Variants in GRAMD1B observed in about 807,000 individuals in gnomAD.
The protein encoded by GRAMD1B is GRAM domain containing 1B.
In GRAMD1B, 37 loss-of-function variants were observed where a neutral mutation model predicts 99.7. The ratio of observed to expected loss-of-function variants is 0.37; its 90% CI spans 0.29 to 0.49. The LOEUF is 0.49. Ranked by LOEUF, GRAMD1B falls within the 20% of genes least tolerant of loss-of-function variation. The probability of loss-of-function intolerance (pLI) is 0.98; values close to 1 mark genes in which losing one functional copy is unlikely to be tolerated. For missense variants in GRAMD1B, 888 were observed against 1,009.2 expected (o/e 0.88, Z 1.63); for synonymous variants, 427 against 387.6 (o/e 1.10, Z -1.19).
chr11:123,505,650 A>T (rs1940347466), intron 2 of GRAMD1B, among the ~76,000 whole-genome samples: 1 of 152,222 alleles, frequency 6.6e-6, no homozygotes, highest in African/African-American at 2.4e-5. Flanking sequence ...AGGGCTAAGT[A>T]ACTTGCTCAA....
intron 2 of GRAMD1B, among the ~76,000 whole-genome samples, chr11:123,532,174 A>G (rs1943457377): frequency 6.6e-6 from 1 of 152,118 alleles, no homozygotes; most frequent in Admixed American, 6.5e-5. Flanking sequence ...TTAGTTCTTG[A>G]TCACTCCAAG....
chr11:123,553,388 T>C (rs946269294), intron 2 of GRAMD1B, among the ~76,000 whole-genome samples: 2 of 152,018 alleles, frequency 1.3e-5, no homozygotes, highest in Non-Finnish European at 2.9e-5. Context: ...GTGTGTTTAT[T>C]CTGCTGGGCT....
chr11:123,373,244 G>A (rs1441671022), intron 1 of GRAMD1B, among the ~76,000 whole-genome samples: 1 of 152,170 alleles, frequency 6.6e-6, no homozygotes, highest in East Asian at 1.9e-4. Flanking sequence ...AAACTGTGTT[G>A]AGCAGCAGTA....
At chr11:123,485,167 C>T (rs1054588617) in intron 2 of GRAMD1B, among the ~76,000 whole-genome samples, 1 of 152,090 alleles carries the variant, frequency 6.6e-6, no homozygotes, top group African/African-American at 2.4e-5. Context: ...TCTGTGGCTT[C>T]TTCTAATTTT....
Position 123,514,904 on chromosome 11 carries a change from G to A in GRAMD1B, c.452+34011G>A, listed in dbSNP as rs557559896. ...CTTGAGGGCAGGGATTGTGTGTTTT[G>A]TTTCTTAATTCACAGAAACCCTGGC... is the stretch of plus-strand genomic sequence containing the variant. On this transcript the variant is annotated intron_variant, in intron 2 of 19. Coordinates refer to ENST00000635736, the MANE Select transcript of GRAMD1B (RefSeq NM_001387025.1). Among the ~76,000 whole-genome samples, 4 of 152,260 alleles carry A rather than the reference G, an allele frequency of 2.6e-5. No homozygotes were observed. The East Asian group carries it at 5.8e-4, about 22-fold the overall frequency.
chr11:123,532,877 C>G (rs1943543851), intron 2 of GRAMD1B, among the ~76,000 whole-genome samples: 1 of 152,220 alleles, frequency 6.6e-6, no homozygotes, highest in African/African-American at 2.4e-5. Context: ...AGGTCTATGA[C>G]TGGCTGATCT....
intron 1 of GRAMD1B, among the ~76,000 whole-genome samples, chr11:123,377,905 G>A (rs1946744270): frequency 6.6e-6 from 1 of 152,248 alleles, no homozygotes; most frequent in African/African-American, 2.4e-5. Flanking sequence ...TCATGTGTGT[G>A]TATGGCAGTG....
intron 2 of GRAMD1B, among the ~76,000 whole-genome samples, chr11:123,555,802 C>T (rs549392295): frequency 2.0e-5 from 3 of 152,114 alleles, no homozygotes; most frequent in South Asian, 4.2e-4. Flanking sequence ...GGCACGATCT[C>T]GGCTCACCAC....
chr11:123,389,264 G>T (rs1045280539), intron 1 of GRAMD1B, among the ~76,000 whole-genome samples: 1 of 151,808 alleles, frequency 6.6e-6, no homozygotes, highest in East Asian at 1.9e-4. Context: ...GGCACCTGTA[G>T]TCCCAGCTAC....
At chr11:123,435,331 TGA>T (rs1351437830) in intron 1 of GRAMD1B, 2 of 672,530 alleles carry the variant, frequency 3.0e-6, no homozygotes, top group African/African-American at 3.6e-5. Flanking sequence ...GTTAAGTGGC[TGA>T]GAGGGCCATA....
At chr11:123,533,140 T>G (rs1265262775) in intron 2 of GRAMD1B, among the ~76,000 whole-genome samples, 2 of 151,992 alleles carry the variant, frequency 1.3e-5, no homozygotes, top group East Asian at 3.9e-4. Flanking sequence ...TGGCTAAATT[T>G]GTATTTTTTT....
intron 1 of GRAMD1B, among the ~76,000 whole-genome samples, chr11:123,464,832 A>G (rs1259570711): frequency 1.3e-5 from 2 of 152,192 alleles, no homozygotes; most frequent in African/African-American, 4.8e-5. Context: ...TGGAGGAGAG[A>G]GAACTGCTGG....
intron 2 of GRAMD1B, among the ~76,000 whole-genome samples, chr11:123,547,541 C>G (rs994292577): frequency 1.3e-5 from 2 of 152,174 alleles, no homozygotes; most frequent in Non-Finnish European, 2.9e-5. Context: ...TTATTTCAAA[C>G]CCAATTATGC....
At position 123,610,793 on chromosome 11, in the gene GRAMD1B, G is replaced by A. The variant is rs536488048; in HGVS notation, c.1919+455G>A. On this transcript the variant is annotated intron_variant, in intron 14 of 19. Transcript: ENST00000635736. This position sits in a 1 kb window ranked among gnomAD's most constrained non-coding sequence, Gnocchi z 4.1. ...CACCATGCTGCGTGGATTGCCATTA[G>A]TGTTAGACAGTGAGCTCCACGAGGA... Among the ~76,000 whole-genome samples the A allele has an allele frequency of 6.6e-6, 1 of 152,200 alleles. No homozygotes were observed. Among genetic ancestry groups the A allele is most frequent in the Admixed American group, 6.5e-5 (1 of 15,288 alleles).
intron 2 of GRAMD1B, among the ~76,000 whole-genome samples, chr11:123,531,598 G>A (rs17127444): frequency 2.6e-5 from 4 of 152,012 alleles, no homozygotes; most frequent in East Asian, 1.9e-4. Flanking sequence ...TGGAAGAGAC[G>A]GTTTAGGGTT....
At chr11:123,457,901 A>G (rs1258275490) in intron 1 of GRAMD1B, among the ~76,000 whole-genome samples, 1 of 151,922 alleles carries the variant, frequency 6.6e-6, no homozygotes, top group African/African-American at 2.4e-5. Context: ...TTTTTTGTAG[A>G]GACAGGGTCC....
At chr11:123,383,398 C>T (rs1946951050) in intron 1 of GRAMD1B, among the ~76,000 whole-genome samples, 2 of 152,206 alleles carry the variant, frequency 1.3e-5, no homozygotes, top group Non-Finnish European at 2.9e-5. Flanking sequence ...GGGCTAGTTA[C>T]TAACCTTGCA....
chr11:123,517,165 C>T (rs1941750170), intron 2 of GRAMD1B, among the ~76,000 whole-genome samples: 1 of 152,218 alleles, frequency 6.6e-6, no homozygotes, highest in Non-Finnish European at 1.5e-5. Flanking sequence ...AATGATCCAC[C>T]TGTCTCAGCC....
At chr11:123,551,147 G>T (rs1591955936) in intron 2 of GRAMD1B, among the ~76,000 whole-genome samples, 1 of 150,164 alleles carries the variant, frequency 6.7e-6, no homozygotes, top group Non-Finnish European at 1.5e-5. Context: ...AGCTGAGATT[G>T]CCCTGCAGGG....
Sources: gnomAD v4.1 joint callset for allele counts (sites outside exome capture counted in the v4.1 genomes callset) on GRCh38, gnomAD v4.1.1 for gene constraint, Gnocchi (gnomAD v3.1) non-coding constraint, MANE v1.5 for transcripts, NCBI Gene and HGNC (gene_info 2026-07-23, HGNC 2026-07-21) for gene names.